Variants in LPGAT1 observed in about 807,000 individuals in gnomAD.
LPGAT1 encodes the protein lysophosphatidylglycerol acyltransferase 1.
A neutral mutation model predicts 47.5 loss-of-function variants in LPGAT1; 11 were observed. The observed-to-expected ratio is 0.23, with a 90% CI of 0.15 to 0.38. The LOEUF (loss-of-function observed/expected upper bound fraction) is 0.38. LPGAT1 is among the 10% of genes least tolerant of loss of function. The pLI, the probability that LPGAT1 is intolerant of heterozygous loss-of-function variation, is 1.00. For missense variants in LPGAT1, 293 were observed against 439.0 expected (o/e 0.67, Z 2.97); for synonymous variants, 138 against 144.2 (o/e 0.96, Z 0.31).
intron 6 of LPGAT1, among the ~76,000 whole-genome samples, chr1:211,758,442 C>T (rs983122314): frequency 1.3e-5 from 2 of 152,190 alleles, no homozygotes; most frequent in African/African-American, 2.4e-5. Context: ...GTGGCTCACA[C>T]CTGTAATCCC....
At chr1:211,828,960 G>T in intron 2 of LPGAT1, 99 bp downstream of exon 2, 1 of 1,161,278 alleles carries the variant, frequency 8.6e-7, no homozygotes, top group Non-Finnish European at 1.2e-6. Context: ...CAATAGTGAA[G>T]ACATGAAAGC....
At chr1:211,829,659 C>A (rs1481450502) in intron 1 of LPGAT1, 4 of 1,075,592 alleles carry the variant, frequency 3.7e-6, no homozygotes, top group Non-Finnish European at 3.4e-6. Context: ...TAGATCCACT[C>A]GCTTCAGACA....
At chr1:211,784,501 A>G (rs1355144049) in intron 4 of LPGAT1, among the ~76,000 whole-genome samples, 4 of 151,584 alleles carry the variant, frequency 2.6e-5, no homozygotes, top group African/African-American at 4.8e-5. Context: ...AAAAAAAAAA[A>G]AAAAAAGAAA....
intron 6 of LPGAT1, among the ~76,000 whole-genome samples, chr1:211,754,624 C>T (rs1325173509): frequency 6.6e-6 from 1 of 152,196 alleles, no homozygotes; most frequent in Non-Finnish European, 1.5e-5. Flanking sequence ...TACCACTTAT[C>T]ATTCTTAAAG....
At position 211,793,068 on chromosome 1, in the gene LPGAT1, T is replaced by C; in HGVS notation, c.357+4A>G. 1 of 1,578,506 alleles carries C rather than the reference T, an allele frequency of 6.3e-7. No homozygotes were observed. Among genetic ancestry groups the C allele is most frequent in the Non-Finnish European group, 8.6e-7 (1 of 1,159,466 alleles). On this transcript the variant is annotated splice_donor_region_variant and intron_variant, in intron 3 of 7. Transcript: ENST00000366997. The stretch of plus-strand genomic sequence containing the variant: ...GTCTATCTACTGCCTTCAGGGTAGC[T>C]TACCAGTCCTTTGTCCTGGAGGCAC...
intron 2 of LPGAT1, among the ~76,000 whole-genome samples, chr1:211,801,544 C>G (rs1271622278): frequency 6.6e-6 from 1 of 151,858 alleles, no homozygotes. Context: ...GACCTCATCT[C>G]TACAAAAAAA....
At chr1:211,779,107 C>G in intron 5 of LPGAT1, 63 bp from the exon 6 acceptor site, 2 of 1,363,668 alleles carry the variant, frequency 1.5e-6, no homozygotes, top group Non-Finnish European at 2.0e-6. Context: ...CAGCAAATAA[C>G]ATAGATTACT....
intron 2 of LPGAT1, among the ~76,000 whole-genome samples, chr1:211,802,076 A>C (rs1659595212): frequency 7.1e-6 from 1 of 140,378 alleles, no homozygotes; most frequent in Non-Finnish European, 1.6e-5. Context: ...TAACAGAGTG[A>C]GACTCTGTCT....
chr1:211,784,909 T>C (rs1658799640), intron 4 of LPGAT1, among the ~76,000 whole-genome samples: 1 of 151,290 alleles, frequency 6.6e-6, no homozygotes, highest in African/African-American at 2.4e-5. Context: ...GTTCACGCCA[T>C]TCTCCTGCCT....
Position 211,751,058 on chromosome 1 carries a change from T to C in LPGAT1, c.864A>G (p.Pro288=), listed in dbSNP as rs1223959595. The change falls in exon 7 of 8, where the codon CCA becomes CCG. Residue 288 remains proline (P), a synonymous_variant. Transcript: ENST00000366997. ...CAGTCTCCAGGGGTACATCTTTAATTGGAAAGATCCTATTAAGGGTTAGAA... is the reference window on the plus strand; with the variant it reads ...CAGTCTCCAGGGGTACATCTTTAATCGGAAAGATCCTATTAAGGGTTAGAA... ...TVTHVHYRIF[P]IKDVPLETDD... 1 of 1,603,782 alleles carries C rather than the reference T, an allele frequency of 6.2e-7. No individual in the cohort carries two copies. The highest frequency in any genetic ancestry group is 1.7e-5 in the Admixed American group (1 of 59,820).
rs536417092 is a variant in LPGAT1 at position 211,798,000 on chromosome 1, T to A, written c.239-4810A>T. ...ACACATTCTAACATGTATATCAATA[T>A]ACTTTTCCCAAAAGTTATAGATTAG... On this transcript the variant is annotated intron_variant, in intron 2 of 7. Transcript: ENST00000366997. Among the ~76,000 whole-genome samples, 99 of 152,268 alleles carry A rather than the reference T, an allele frequency of 6.5e-4. 1 individual carries two copies. The highest frequency in any genetic ancestry group is 2.3e-3 in the African/African-American group (95 of 41,556).
intron 6 of LPGAT1, among the ~76,000 whole-genome samples, chr1:211,754,154 A>T (rs962227030): frequency 6.6e-6 from 1 of 152,174 alleles, no homozygotes; most frequent in African/African-American, 2.4e-5. Flanking sequence ...TTCCCTCTCC[A>T]GAGTAAGCCT....
intron 2 of LPGAT1, among the ~76,000 whole-genome samples, chr1:211,828,498 T>G (rs1660613371): frequency 6.6e-6 from 1 of 152,220 alleles, no homozygotes; most frequent in South Asian, 2.1e-4. Context: ...AAAGTTAACT[T>G]AATTTTTTAT....
chr1:211,797,311 C>CT (rs200601647), intron 2 of LPGAT1, among the ~76,000 whole-genome samples: 51,942 of 122,552 alleles, frequency 0.42, 12,218 homozygotes, highest in Non-Finnish European at 0.53. Flanking sequence ...CTTTCCTTTT[C>CT]TTTTTTTTTT....
chr1:211,794,791 G>A (rs1659281098), intron 2 of LPGAT1, among the ~76,000 whole-genome samples: 1 of 152,184 alleles, frequency 6.6e-6, no homozygotes, highest in African/African-American at 2.4e-5. Context: ...TAAAAGCTCA[G>A]GATGAAATAG....
chr1:211,763,942 C>T (rs1451911520), intron 6 of LPGAT1, among the ~76,000 whole-genome samples: 3 of 152,142 alleles, frequency 2.0e-5, no homozygotes, highest in African/African-American at 4.8e-5. Context: ...GAGGCCAAGG[C>T]GGGTGGATCA....
intron 6 of LPGAT1, among the ~76,000 whole-genome samples, chr1:211,770,568 T>C (rs573160036): frequency 1.3e-5 from 2 of 152,348 alleles, no homozygotes; most frequent in East Asian, 3.9e-4. Context: ...CCGTAGATTA[T>C]AATGGAGCTG....
rs1440418718 is a variant in LPGAT1, at chr1:211,823,285, C to T, written c.238+5774G>A. Reference sequence around the variant, plus strand: ...TATTGCGATCATTAAGTGACCGAAGCACTTTGGTCACTGCCTGGTTTATTT... The same window carrying T: ...TATTGCGATCATTAAGTGACCGAAGTACTTTGGTCACTGCCTGGTTTATTT... On this transcript the variant is annotated intron_variant, in intron 2 of 7. Transcript: ENST00000366997. 3.9e-5 allele frequency among the ~76,000 whole-genome samples: 6 copies of T among 152,178 alleles called. No homozygotes were observed. The South Asian group carries it at 1.0e-3, about 26-fold the overall frequency.
intron 2 of LPGAT1, among the ~76,000 whole-genome samples, chr1:211,828,834 A>G (rs1660625942): frequency 6.6e-6 from 1 of 152,248 alleles, no homozygotes; most frequent in African/African-American, 2.4e-5. Context: ...GTCAATCACA[A>G]TAAAAACACT....
Sources: allele counts gnomAD v4.1 joint callset (sites outside exome capture counted in the v4.1 genomes callset), GRCh38; gene constraint gnomAD v4.1.1; transcripts MANE v1.5; gene names NCBI Gene and HGNC (gene_info 2026-07-23, HGNC 2026-07-21).